DNAJC5G: variants seen among roughly 807,000 people sequenced by gnomAD.
The protein encoded by DNAJC5G is DnaJ heat shock protein family (Hsp40) member C5 gamma.
DNAJC5G carries 13 observed loss-of-function variants against 19.1 expected under a neutral mutation model. That is an observed-to-expected ratio of 0.68 (90% CI 0.44 to 1.08). The LOEUF (loss-of-function observed/expected upper bound fraction) is 1.08. Among genes scored for constraint, DNAJC5G ranks in the 50% least tolerant of loss-of-function variants. The pLI, the probability that DNAJC5G is intolerant of heterozygous loss-of-function variation, is 0.00. For synonymous variants in DNAJC5G, 81 were observed against 84.4 expected, an observed-to-expected ratio of 0.96 and a Z score of 0.22; for missense variants, 245 against 230.4, an observed-to-expected ratio of 1.06 and a Z score of -0.41.
chr2:27,277,971 G>A lies in DNAJC5G; in HGVS notation c.331G>A (p.Glu111Lys), dbSNP rs1459442800. The A allele has an allele frequency of 2.5e-6, 4 of 1,614,098 alleles. No individual in the cohort carries two copies. The highest frequency in any genetic ancestry group is 3.4e-6 in the Non-Finnish European group (4 of 1,180,058). Residue 111 changes from glutamate to lysine, a missense_variant, in exon 4 of 7, where the codon GAA becomes AAA. Transcript: ENST00000296097. ...GIYLYDHFGEEGVRYYFILNS... is the reference protein window; with the variant it reads ...GIYLYDHFGEKGVRYYFILNS... ...ATATCTGTATGATCACTTTGGTGAA[G>A]AAGGCGTCAGATACTATTTTATTCT...
In DNAJC5G at chr2:27,277,777, C is replaced by G; in HGVS notation, c.137C>G (p.Pro46Arg). Reference protein sequence around the residue: ...SYSHSALLPHPPFEYHLGRKL... With the variant: ...SYSHSALLPHRPFEYHLGRKL... ...AGCCATTCCGCATTGCTTCCCCACC[C>G]TCCTTTTGAGTATCACCTGGGTAGG... The change falls in exon 4 of 7, where the codon CCT becomes CGT. Residue 46 changes from proline (P) to arginine (R), a missense_variant. Transcript: ENST00000296097. 6.2e-7 allele frequency: 1 copy of G among 1,614,066 alleles called. No individual in the cohort carries two copies. The highest frequency in any genetic ancestry group is 8.5e-7 in the Non-Finnish European group (1 of 1,179,940).
chr2:27,280,044 T>C (rs1248558630), intron 5 of DNAJC5G, 122 bp from the exon 6 acceptor site: 12 of 885,368 alleles, frequency 1.4e-5, no homozygotes, highest in Non-Finnish European at 2.0e-5. Context: ...CTGATTGAAC[T>C]TGACACCAGC....
At chr2:27,279,932 G>A (rs1034678313) in intron 5 of DNAJC5G, among the ~76,000 whole-genome samples, 1 of 150,534 alleles carries the variant, frequency 6.6e-6, no homozygotes, top group Non-Finnish European at 1.5e-5. Context: ...CAAAAAAGAA[G>A]AAGAAGAAGA....
chr2:27,280,371 T>A, intron 6 of DNAJC5G, 58 bp from the exon 7 acceptor site: 1 of 747,474 alleles, frequency 1.3e-6, no homozygotes, highest in Non-Finnish European at 2.2e-6. Flanking sequence ...GGGTTTGCTT[T>A]AAGTTCTAGG....
At chr2:27,276,986 A>G (rs1212167391) in intron 3 of DNAJC5G, 145 bp downstream of exon 3, 5 of 704,348 alleles carry the variant, frequency 7.1e-6, no homozygotes, top group Admixed American at 3.3e-5. Flanking sequence ...GACAGAGACT[A>G]TTGAGAGTGC....
In DNAJC5G at chr2:27,276,203, G is replaced by A. The variant is rs952614959; in HGVS notation, c.-188G>A. 1 of 151,854 alleles carries A rather than the reference G, an allele frequency of 6.6e-6. No homozygotes were observed. Among genetic ancestry groups the A allele is most frequent in the African/African-American group, 2.4e-5 (1 of 41,174 alleles). 9.4% of individuals were successfully genotyped at this position (151,854 alleles called of 1,614,324 possible). A position where few individuals can be genotyped will look rare whatever the true frequency, so the allele number is the denominator to read the frequency against. On this transcript the variant is annotated 5_prime_UTR_variant, in exon 2 of 7. Coordinates refer to ENST00000296097, the MANE Select transcript of DNAJC5G (RefSeq NM_173650.3). ...GCACCCAGGAGGTGGAGGTTGCAGT[G>A]AGCCGAGATCGCGCCATTACACTTC... is the stretch of plus-strand genomic sequence containing the variant.
chr2:27,275,854 C>T (rs1300095367), intron 1 of DNAJC5G: 1 of 151,624 alleles, frequency 6.6e-6, no homozygotes, highest in Admixed American at 6.6e-5. Flanking sequence ...GGCCTAGCTG[C>T]AAGCACTCCC....
chr2:27,280,289 C>T lies in DNAJC5G; in HGVS notation c.*18+56C>T, dbSNP rs1032562663. The T allele has an allele frequency of 1.7e-5, 25 of 1,431,218 alleles. No individual in the cohort carries two copies. The East Asian group carries it at 2.5e-4, about 14-fold the overall frequency. The allele number at this position is 1,431,218 out of a possible 1,614,324, so 88.7% of individuals were successfully genotyped here. A position where few individuals can be genotyped will look rare whatever the true frequency, so the allele number is the denominator to read the frequency against. On this transcript the variant is annotated intron_variant, in intron 6 of 6. Transcript: ENST00000296097. ...CAGATAAGAAAAGCATGTAAGCTAA[C>T]GTCAGATGAGTCATTAGTAGAAAGT...
In DNAJC5G at chr2:27,277,736, G is replaced by C. The variant is rs778677815; in HGVS notation, c.114-18G>C. On this transcript the variant is annotated intron_variant, in intron 3 of 6. Coordinates refer to ENST00000296097, the MANE Select transcript of DNAJC5G (RefSeq NM_173650.3). ...TAGAGACTAATCCATGTCATTCATC[G>C]TAAGTCTCCTTCCCCAGCCATTCCG... The C allele has an allele frequency of 2.5e-6, 4 of 1,613,490 alleles. No homozygotes were observed. The highest frequency in any genetic ancestry group is 3.3e-5 in the Admixed American group (2 of 59,986).
intron 1 of DNAJC5G, chr2:27,275,893 C>T (rs1256850605): frequency 6.9e-6 from 1 of 144,052 alleles, no homozygotes; most frequent in Non-Finnish European, 1.5e-5. Flanking sequence ...CGCCCCCGCC[C>T]CCGCCAGGCT....
chr2:27,276,557 A>C, intron 2 of DNAJC5G, 169 bp from the exon 3 acceptor site: 1 of 571,136 alleles, frequency 1.8e-6, no homozygotes, highest in Non-Finnish European at 3.1e-6. Context: ...GATCACCTGA[A>C]TTCTCCTGCT....
chr2:27,277,416 C>A (rs1369943567), intron 3 of DNAJC5G, among the ~76,000 whole-genome samples: 1 of 151,874 alleles, frequency 6.6e-6, no homozygotes, highest in Non-Finnish European at 1.5e-5. Flanking sequence ...GTGCCTGCCA[C>A]TATGCCCAGC....
In DNAJC5G at chr2:27,280,563, G is replaced by T; in HGVS notation, c.*153G>T. The T allele has an allele frequency of 4.5e-6, 1 of 222,864 alleles. No individual in the cohort carries two copies. Among genetic ancestry groups the T allele is most frequent in the Non-Finnish European group, 9.2e-6 (1 of 108,240 alleles). The allele number at this position is 222,864 out of a possible 1,614,324, so 13.8% of individuals were successfully genotyped here. A position where few individuals can be genotyped will look rare whatever the true frequency, so the allele number is the denominator to read the frequency against. On this transcript the variant is annotated 3_prime_UTR_variant, in exon 7 of 7. Coordinates refer to ENST00000296097, the MANE Select transcript of DNAJC5G (RefSeq NM_173650.3). ...AAGGATCTCAAGAATCTCTTCAGAA[G>T]CACTGATGACGTTGATCCCAGTAAG...
Position 27,275,453 on chromosome 2 carries a change from C to T in DNAJC5G, c.-386C>T. ...GACCTGCCCAGACCCTCAGCGTCGACGCTGCGCACAAGCGCAGTCAACTGC... is the reference window on the plus strand; with the variant it reads ...GACCTGCCCAGACCCTCAGCGTCGATGCTGCGCACAAGCGCAGTCAACTGC... On this transcript the variant is annotated 5_prime_UTR_variant, in exon 1 of 7. In the 5' UTR this introduces an upstream ATG that the reference lacks. Transcript: ENST00000296097. 2.9e-6 allele frequency: 1 copy of T among 350,290 alleles called. No individual in the cohort carries two copies. Among genetic ancestry groups the T allele is most frequent in the Non-Finnish European group, 5.6e-6 (1 of 177,270 alleles). 21.7% of individuals were successfully genotyped at this position (350,290 alleles called of 1,614,324 possible).
chr2:27,276,769 G>C lies in DNAJC5G; in HGVS notation c.41G>C (p.Ser14Thr), dbSNP rs1678101841. The stretch of plus-strand genomic sequence containing the variant: ...GAAGCAGCACACCGGCTGTCCAAAA[G>C]TGAGATGAGCCTCTATGCAGTGCTG... Reference protein sequence around the residue: ...VKEAAHRLSKSEMSLYAVLDL... With the variant: ...VKEAAHRLSKTEMSLYAVLDL... Residue 14 changes from serine (S) to threonine (T), a missense_variant, in exon 3 of 7, where the codon AGT (serine) becomes ACT (threonine). Ser to Thr is a moderately conservative substitution (Grantham distance 58). Coordinates refer to ENST00000296097, the MANE Select transcript of DNAJC5G (RefSeq NM_173650.3). 1 of 1,613,958 alleles carries C rather than the reference G, an allele frequency of 6.2e-7. No homozygotes were observed. Among genetic ancestry groups the C allele is most frequent in the Admixed American group, 1.7e-5 (1 of 59,986 alleles).
rs778017118 is a variant in DNAJC5G, at chr2:27,277,951, T to A, written c.311T>A (p.Leu104Gln). 1.2e-6 allele frequency: 2 copies of A among 1,614,224 alleles called. No homozygotes were observed. The highest frequency in any genetic ancestry group is 1.7e-5 in the Admixed American group (1 of 60,032). ...YDQHGSLGIY[L>Q]YDHFGEEGVR... ...CAGCATGGCTCATTGGGAATATATC[T>A]GTATGATCACTTTGGTGAAGAAGGC... is the stretch of plus-strand genomic sequence containing the variant. Residue 104 changes from leucine to glutamine, a missense_variant, in exon 4 of 7, where the codon CTG (leucine) becomes CAG (glutamine). Transcript: ENST00000296097.
chr2:27,275,979 G>A (rs1440655852), intron 1 of DNAJC5G, 127 bp from the exon 2 acceptor site: 1 of 151,558 alleles, frequency 6.6e-6, no homozygotes, highest in Non-Finnish European at 1.5e-5. Context: ...GTGGATCGGC[G>A]AGGCTCAATG....
At chr2:27,278,702 AAAAAAAG>A (rs1363129810) in intron 5 of DNAJC5G, among the ~76,000 whole-genome samples, 1 of 145,224 alleles carries the variant, frequency 6.9e-6, no homozygotes, top group Non-Finnish European at 1.5e-5. Flanking sequence ...AAAAAAAAAA[AAAAAAAG>A]AAAAGAAAAG....
intron 6 of DNAJC5G, 94 bp from the exon 7 acceptor site, chr2:27,280,335 C>T (rs1179516573): frequency 8.2e-6 from 8 of 981,062 alleles, no homozygotes; most frequent in Non-Finnish European, 1.3e-5. Context: ...ATAGTATGGA[C>T]TATGTGTTTA....
Sources: allele counts gnomAD v4.1 joint callset (sites outside exome capture counted in the v4.1 genomes callset), GRCh38; gene constraint gnomAD v4.1.1; transcripts MANE v1.5; gene names NCBI Gene and HGNC (gene_info 2026-07-23, HGNC 2026-07-21).